The following PHC2 variants were observed in gnomAD, a reference collection of about 807,000 sequenced individuals.
PHC2 encodes polyhomeotic-like protein 2.
PHC2 carries 29 observed loss-of-function variants against 87.4 expected under a neutral mutation model. The ratio of observed to expected loss-of-function variants is 0.33; its 90% CI spans 0.25 to 0.45. The LOEUF (loss-of-function observed/expected upper bound fraction) is 0.45. PHC2 is among the 20% of genes least tolerant of loss of function. The probability of loss-of-function intolerance (pLI) is 1.00; values close to 1 mark genes in which losing one functional copy is unlikely to be tolerated. For synonymous variants in PHC2, 438 were observed against 461.7 expected, an observed-to-expected ratio of 0.95 and a Z score of 0.66; for missense variants, 857 against 1,136.7, an observed-to-expected ratio of 0.75 and a Z score of 3.54.
chr1:33,362,495 G>A (rs1284168462), intron 7 of PHC2, among the ~76,000 whole-genome samples: 1 of 152,166 alleles, frequency 6.6e-6, no homozygotes, highest in African/African-American at 2.4e-5. Context: ...AAGAGAGGAG[G>A]ACAGGGATGG....
chr1:33,349,260 C>A lies in PHC2; in HGVS notation c.1558+5141G>T. On this transcript the variant is annotated intron_variant, in intron 9 of 14. Transcript: ENST00000683057. This position sits in a 1 kb window ranked among gnomAD's most constrained non-coding sequence, Gnocchi z 4.2. The stretch of plus-strand genomic sequence containing the variant: ...AGATGCCAGCAGTCTCGTCCCCGAA[C>A]GCACCGTCCGTCCCAGGGAAGTCGC... 1 of 985,148 alleles carries A rather than the reference C, an allele frequency of 1.0e-6. No individual in the cohort carries two copies. Among genetic ancestry groups the A allele is most frequent in the Non-Finnish European group, 1.2e-6 (1 of 829,854 alleles). 61.0% of individuals were successfully genotyped at this position (985,148 alleles called of 1,614,324 possible). A position where few individuals can be genotyped will look rare whatever the true frequency, so the allele number is the denominator to read the frequency against.
rs191890937 is a variant in PHC2 at position 33,346,453 on chromosome 1, G to A, written c.1558+7948C>T. On this transcript the variant is annotated intron_variant, in intron 9 of 14. Coordinates refer to ENST00000683057, the MANE Select transcript of PHC2 (RefSeq NM_001385109.1). ...TCCTCATTCTCATTTCCCTACTCTC[G>A]TCTCCAGTAGGTGTCCTTTCAGAAG... is the stretch of plus-strand genomic sequence containing the variant. 29 of 984,918 alleles carry A rather than the reference G, an allele frequency of 2.9e-5. No individual in the cohort carries two copies. The East Asian group carries it at 1.5e-3, about 50-fold the overall frequency. The allele number at this position is 984,918 out of a possible 1,614,324, so 61.0% of individuals were successfully genotyped here.
At chr1:33,358,671 C>T (rs942407890) in intron 7 of PHC2, among the ~76,000 whole-genome samples, 2 of 152,300 alleles carry the variant, frequency 1.3e-5, no homozygotes, top group East Asian at 1.9e-4. Context: ...CCTTTGTCTA[C>T]GGTTGTCTAA....
In PHC2 at chr1:33,367,258, AC is replaced by A. The variant is rs1487547059; in HGVS notation, c.833del (p.Gly278ValfsTer6). On this transcript the variant is annotated frameshift_variant, in exon 7 of 15. Coordinates refer to ENST00000683057, the MANE Select transcript of PHC2 (RefSeq NM_001385109.1). LOFTEE classifies it high-confidence loss of function. ...CACTGTCAGCTATGCCAGGCTTGGC[AC>A]CTGCAGGGGAAGCCTGAGCAGTATT... Reference protein sequence around the residue: ...SRNTAQASPAGAKPGIADSVM... With the variant: ...SRNTAQASPAXAKPGIADSVM... The A allele has an allele frequency of 3.1e-6, 5 of 1,614,044 alleles. No homozygotes were observed. The highest frequency in any genetic ancestry group is 4.2e-6 in the Non-Finnish European group (5 of 1,180,006).
intron 1 of PHC2, among the ~76,000 whole-genome samples, chr1:33,393,797 A>G (rs374241306): frequency 1.6e-4 from 4 of 25,030 alleles, no homozygotes; most frequent in African/African-American, 1.5e-3. Context: ...ATCAGCCCAC[A>G]TCACCATCAG....
At position 33,324,667 on chromosome 1, in the gene PHC2, A is replaced by AC; in HGVS notation, c.*197dup. Reference sequence around the variant, plus strand: ...TAAAGCCCCATCTTCTGTGCCACCTACCTCTCTGCCCCTCCCACAGAAATG... The same window carrying AC: ...TAAAGCCCCATCTTCTGTGCCACCTACCCTCTCTGCCCCTCCCACAGAAATG... On this transcript the variant is annotated 3_prime_UTR_variant, in exon 15 of 15. Transcript: ENST00000683057. The AC allele has an allele frequency of 2.0e-6, 1 of 508,484 alleles. No homozygotes were observed. The allele number at this position is 508,484 out of a possible 1,614,324, so 31.5% of individuals were successfully genotyped here. A position where few individuals can be genotyped will look rare whatever the true frequency, so the allele number is the denominator to read the frequency against.
chr1:33,347,871 C>CCCCAT, intron 9 of PHC2: 1 of 254,174 alleles, frequency 3.9e-6, no homozygotes, highest in Non-Finnish European at 6.2e-6. Flanking sequence ...AAGCCAGAGG[C>CCCCAT]CCCAGTTCCC....
intron 9 of PHC2, among the ~76,000 whole-genome samples, chr1:33,350,808 A>G (rs1646957663): frequency 2.0e-5 from 3 of 149,334 alleles, no homozygotes; most frequent in South Asian, 4.2e-4. Context: ...TTTCTCCTCT[A>G]TTTTTCAAAT....
intron 13 of PHC2, among the ~76,000 whole-genome samples, chr1:33,329,581 C>G (rs768867796): frequency 7.2e-5 from 11 of 152,196 alleles, no homozygotes; most frequent in Non-Finnish European, 1.2e-4. Context: ...GTCCTTAGAG[C>G]CTAGTGCCTA....
intron 9 of PHC2, chr1:33,345,554 A>G: frequency 1.0e-6 from 1 of 985,316 alleles, no homozygotes; most frequent in Non-Finnish European, 1.2e-6. Flanking sequence ...ATGGTCTTAC[A>G]ATGAATCTCA....
chr1:33,385,999 G>A (rs1008727118), intron 1 of PHC2, among the ~76,000 whole-genome samples: 14 of 151,642 alleles, frequency 9.2e-5, no homozygotes, highest in African/African-American at 3.4e-4. Flanking sequence ...GTTTCACTAT[G>A]TTGGCCAGGC....
intron 1 of PHC2, among the ~76,000 whole-genome samples, chr1:33,380,606 C>G (rs1365405311): frequency 6.6e-6 from 1 of 152,192 alleles, no homozygotes; most frequent in African/African-American, 2.4e-5. Context: ...TGGTTTCCAC[C>G]TTTTGGCTAT....
intron 7 of PHC2, among the ~76,000 whole-genome samples, chr1:33,359,225 C>G (rs1437440464): frequency 6.6e-6 from 1 of 152,058 alleles, no homozygotes; most frequent in Non-Finnish European, 1.5e-5. Flanking sequence ...GAATGACAGA[C>G]AACATGGTGG....
At position 33,372,370 on chromosome 1, in the gene PHC2, C is replaced by G; in HGVS notation, c.252G>C (p.Gln84His). 6.2e-7 allele frequency: 1 copy of G among 1,606,612 alleles called. No homozygotes were observed. The highest frequency in any genetic ancestry group is 1.8e-4 in the Middle Eastern group (1 of 5,426). ...YLQQMYAAQQ[Q>H]HLMLQTAALQ... ...GCGCCGCGGTCTGCAGCATGAGGTG[C>G]TGCTGCTGGGCGGCGTACATCTGCT... is the stretch of plus-strand genomic sequence containing the variant. The change falls in exon 3 of 15, where the codon CAG (glutamine) becomes CAC (histidine). Residue 84 changes from glutamine to histidine, a missense_variant. This residue lies in a region of PHC2 where 832 missense variants were observed against 1,081.8 expected (regional missense o/e 0.77). Transcript: ENST00000683057.
intron 6 of PHC2, 88 bp from the exon 7 acceptor site, chr1:33,367,516 G>A (rs571531025): frequency 8.9e-6 from 9 of 1,011,638 alleles, no homozygotes; most frequent in Non-Finnish European, 1.3e-5. Flanking sequence ...ATGGATCCAG[G>A]AATGGCTGAA....
At chr1:33,351,772 C>T (rs991847767) in intron 9 of PHC2, among the ~76,000 whole-genome samples, 8 of 151,732 alleles carry the variant, frequency 5.3e-5, no homozygotes, top group African/African-American at 7.3e-5. Flanking sequence ...GCTAACATGG[C>T]GAAACCCTGT....
chr1:33,427,424 C>T (rs146535940), intron 1 of PHC2, among the ~76,000 whole-genome samples: 5 of 152,246 alleles, frequency 3.3e-5, no homozygotes, highest in South Asian at 2.1e-4. Flanking sequence ...ATTAATCTTC[C>T]GCTTGACTGT....
chr1:33,392,167 G>GCA (rs145325204), intron 1 of PHC2, among the ~76,000 whole-genome samples: 45,920 of 150,194 alleles, frequency 0.31, 8,172 homozygotes, highest in African/African-American at 0.51. Context: ...ACACATACGT[G>GCA]CACACACACA....
In PHC2 at chr1:33,349,732, G is replaced by A. The variant is rs1200400297; in HGVS notation, c.1558+4669C>T. On this transcript the variant is annotated intron_variant, in intron 9 of 14. Coordinates refer to ENST00000683057, the MANE Select transcript of PHC2 (RefSeq NM_001385109.1). This position sits in a 1 kb window ranked among gnomAD's most constrained non-coding sequence, Gnocchi z 4.2. Reference sequence around the variant, plus strand: ...AGCCTCCGAGCCGGGGCCCGGGGCTGCCGCGGCGCATCCGACCGCACCGGC... The same window carrying A: ...AGCCTCCGAGCCGGGGCCCGGGGCTACCGCGGCGCATCCGACCGCACCGGC... 1.0e-6 allele frequency: 1 copy of A among 995,396 alleles called. No homozygotes were observed. The highest frequency in any genetic ancestry group is 5.5e-5 in the Admixed American group (1 of 18,306). The allele number at this position is 995,396 out of a possible 1,614,324, so 61.7% of individuals were successfully genotyped here. A position where few individuals can be genotyped will look rare whatever the true frequency, so the allele number is the denominator to read the frequency against.
Sources: gnomAD v4.1 joint callset for allele counts (sites outside exome capture counted in the v4.1 genomes callset) on GRCh38, gnomAD v4.1.1 for gene constraint, gnomAD v4.1.1 regional missense constraint, Gnocchi (gnomAD v3.1) non-coding constraint, MANE v1.5 for transcripts, NCBI Gene and HGNC (gene_info 2026-07-23, HGNC 2026-07-21) for gene names.